Variants in ABHD10 observed in about 807,000 individuals in gnomAD.
ABHD10 encodes the protein palmitoyl-protein thioesterase ABHD10, mitochondrial.
In ABHD10, 22 loss-of-function variants were observed where a neutral mutation model predicts 33.1. That is an observed-to-expected ratio of 0.66 (90% CI 0.47 to 0.95). ABHD10 has a LOEUF of 0.95. Among genes scored for constraint, ABHD10 ranks in the 40% least tolerant of loss-of-function variants. ABHD10 has a pLI of 0.00. For missense variants in ABHD10, 352 were observed against 379.9 expected, an observed-to-expected ratio of 0.93 and a Z score of 0.61; for synonymous variants, 146 against 133.9, an observed-to-expected ratio of 1.09 and a Z score of -0.62.
chr3:111,986,454 G>GTTTTTTC (rs2072663053), intron 3 of ABHD10, 79 bp downstream of exon 3: 4 of 791,214 alleles, frequency 5.1e-6, no homozygotes, highest in Non-Finnish European at 7.5e-6. Context: ...TTTGTTTTTT[G>GTTTTTTC]AGATGGAGTC....
At chr3:111,981,148 AC>A (rs1296031264) in intron 1 of ABHD10, among the ~76,000 whole-genome samples, 1 of 152,140 alleles carries the variant, frequency 6.6e-6, no homozygotes, top group East Asian at 1.9e-4. Context: ...CACAAAAAAT[AC>A]AAAAATTAAC....
chr3:111,984,272 C>G (rs944640719), intron 2 of ABHD10, among the ~76,000 whole-genome samples: 1 of 152,166 alleles, frequency 6.6e-6, no homozygotes, highest in African/African-American at 2.4e-5. Context: ...AAAATCGTTT[C>G]ACTTCAAACC....
chr3:111,991,671 G>T lies in ABHD10; in HGVS notation c.871G>T (p.Val291Phe), dbSNP rs746856977. 6.2e-7 allele frequency: 1 copy of T among 1,613,952 alleles called. No homozygotes were observed. The change falls in exon 5 of 5, where the codon GTT (valine) becomes TTT (phenylalanine). Residue 291 changes from valine (V) to phenylalanine (F), a missense_variant. Val to Phe is a conservative substitution (Grantham distance 50). Coordinates refer to ENST00000273359, the MANE Select transcript of ABHD10 (RefSeq NM_018394.4). The part of the protein sequence containing the change: ...MREKADIQLL[V>F]YTIDDLIDKL... ...GGAAAAAGCAGACATTCAACTTCTT[G>T]TTTACACTATTGATGACTTAATTGA...
rs1218617152 is a variant in ABHD10, at chr3:111,993,345, A to G, written c.*1624A>G. 1 of 151,854 alleles carries G rather than the reference A, an allele frequency of 6.6e-6. No homozygotes were observed. The highest frequency in any genetic ancestry group is 1.5e-5 in the Non-Finnish European group (1 of 68,016). 9.4% of individuals were successfully genotyped at this position (151,854 alleles called of 1,614,324 possible). ...GTTTTGTATCCTTTCACTGTAATAAATCATGGCCGTGAGCAGAACTGTATG... is the reference window on the plus strand; with the variant it reads ...GTTTTGTATCCTTTCACTGTAATAAGTCATGGCCGTGAGCAGAACTGTATG... On this transcript the variant is annotated 3_prime_UTR_variant, in exon 5 of 5. Coordinates refer to ENST00000273359, the MANE Select transcript of ABHD10 (RefSeq NM_018394.4).
intron 4 of ABHD10, chr3:111,990,586 G>A: frequency 2.7e-6 from 1 of 376,836 alleles, no homozygotes; most frequent in Non-Finnish European, 4.7e-6. Flanking sequence ...CAAAGGACAT[G>A]TATATTTCAT....
rs1042513287 is a variant in ABHD10, at chr3:111,989,032, G to A, written c.576+1981G>A. Among the ~76,000 whole-genome samples the A allele has an allele frequency of 5.9e-5, 9 of 152,318 alleles. 1 individual carries two copies. The South Asian group carries it at 1.9e-3, about 32-fold the overall frequency. On this transcript the variant is annotated intron_variant, in intron 4 of 4. Coordinates refer to ENST00000273359, the MANE Select transcript of ABHD10 (RefSeq NM_018394.4). Reference sequence around the variant, plus strand: ...CTCAGATAAGCAGTTGTTAACAGAAGCATGTTGAGCCCTTGGTTAACTTAA... The same window carrying A: ...CTCAGATAAGCAGTTGTTAACAGAAACATGTTGAGCCCTTGGTTAACTTAA...
At position 111,991,434 on chromosome 3, in the gene ABHD10, G is replaced by A. The variant is rs1576070189; in HGVS notation, c.634G>A (p.Glu212Lys). 3.1e-6 allele frequency: 5 copies of A among 1,613,612 alleles called. No homozygotes were observed. Among genetic ancestry groups the A allele is most frequent in the Non-Finnish European group, 3.4e-6 (4 of 1,179,812 alleles). Residue 212 changes from glutamate to lysine, a missense_variant, in exon 5 of 5, where the codon GAA becomes AAA. Coordinates refer to ENST00000273359, the MANE Select transcript of ABHD10 (RefSeq NM_018394.4). ...VWSMPSKYSEEGVYNVQYSFI... is the reference protein window; with the variant it reads ...VWSMPSKYSEKGVYNVQYSFI... The stretch of plus-strand genomic sequence containing the variant: ...GAGCATGCCATCAAAATACTCTGAA[G>A]AAGGAGTTTATAACGTTCAGTACAG...
chr3:111,981,925 C>A lies in ABHD10; in HGVS notation c.284C>A (p.Ala95Glu). The A allele has an allele frequency of 6.3e-7, 1 of 1,578,064 alleles. No homozygotes were observed. The highest frequency in any genetic ancestry group is 8.7e-7 in the Non-Finnish European group (1 of 1,153,756). Reference protein sequence around the residue: ...LSYMNGTKALAIEEFCKSLGH... With the variant: ...LSYMNGTKALEIEEFCKSLGH... ...TATATGAATGGTACAAAAGCGTTGG[C>A]GATTGAGGAGTTTTGCAAATCTCTA... Residue 95 changes from alanine to glutamate, a missense_variant, in exon 2 of 5, where the codon GCG becomes GAG. Ala to Glu is a moderately radical substitution (Grantham distance 107). Coordinates refer to ENST00000273359, the MANE Select transcript of ABHD10 (RefSeq NM_018394.4).
intron 2 of ABHD10, among the ~76,000 whole-genome samples, chr3:111,982,851 C>T (rs1331775711): frequency 6.6e-6 from 1 of 152,056 alleles, no homozygotes; most frequent in Non-Finnish European, 1.5e-5. Flanking sequence ...ACTACCTGTT[C>T]AATATATTAG....
intron 4 of ABHD10, among the ~76,000 whole-genome samples, chr3:111,988,950 C>T (rs1054933519): frequency 1.3e-5 from 2 of 152,124 alleles, no homozygotes; most frequent in South Asian, 4.1e-4. Context: ...AGGGTAGATA[C>T]TTTCTAATTG....
At chr3:111,988,638 G>A (rs554550860) in intron 4 of ABHD10, among the ~76,000 whole-genome samples, 1 of 152,150 alleles carries the variant, frequency 6.6e-6, no homozygotes, top group South Asian at 2.1e-4. Flanking sequence ...TGCCCAGGCT[G>A]GAGTGCAGTG....
In ABHD10 at chr3:111,982,876, A is replaced by G. The variant is rs574332527; in HGVS notation, c.326+909A>G. On this transcript the variant is annotated intron_variant, in intron 2 of 4. Transcript: ENST00000273359. ...CAATATATTAGCAGCAATTATGTCA[A>G]TTATAAAATTAAATAAGATTTAATC... Among the ~76,000 whole-genome samples, 4 of 152,308 alleles carry G rather than the reference A, an allele frequency of 2.6e-5. No homozygotes were observed. In the South Asian group the frequency reaches 6.2e-4, roughly 24 times the overall value.
Position 111,991,352 on chromosome 3 carries a change from T to C in ABHD10, c.577-25T>C, listed in dbSNP as rs2072736578. The C allele has an allele frequency of 4.5e-6, 7 of 1,553,544 alleles. No homozygotes were observed. The Admixed American group carries it at 1.2e-4, about 27-fold the overall frequency. On this transcript the variant is annotated intron_variant, in intron 4 of 4. Transcript: ENST00000273359. ...ATGTTGCCTAAAGTCACAAATACTTTTATTTTTCTTTCTTTTTCCAATAGC... is the reference window on the plus strand; with the variant it reads ...ATGTTGCCTAAAGTCACAAATACTTCTATTTTTCTTTCTTTTTCCAATAGC...
In ABHD10 at chr3:111,991,720, A is replaced by G; in HGVS notation, c.920A>G (p.Ter307TrpextTer10). Residue 307 changes from the stop codon to tryptophan (W), a stop_lost, in exon 5 of 5, where the codon TAG (stop) becomes TGG (tryptophan). Transcript: ENST00000273359. ...LIDKLSTIVN[*>W] Reference sequence around the variant, plus strand: ...GATAAGCTCTCAACTATAGTTAACTAGTATCACATGTTTAGTTGGTATGTA... The same window carrying G: ...GATAAGCTCTCAACTATAGTTAACTGGTATCACATGTTTAGTTGGTATGTA... The G allele has an allele frequency of 6.2e-7, 1 of 1,601,882 alleles. No homozygotes were observed. Among genetic ancestry groups the G allele is most frequent in the Non-Finnish European group, 8.5e-7 (1 of 1,171,170 alleles).
chr3:111,989,552 G>A lies in ABHD10; in HGVS notation c.577-1825G>A, dbSNP rs572193523. On this transcript the variant is annotated intron_variant, in intron 4 of 4. Coordinates refer to ENST00000273359, the MANE Select transcript of ABHD10 (RefSeq NM_018394.4). ...ATGAAACTATTATTAATTCAGTGTC[G>A]CCTTAATTAGCAAAGCCTCCACTTC... is the stretch of plus-strand genomic sequence containing the variant. Among the ~76,000 whole-genome samples the A allele has an allele frequency of 5.3e-5, 8 of 152,276 alleles. No homozygotes were observed. The East Asian group carries it at 7.7e-4, about 15-fold the overall frequency.
At chr3:111,981,178 C>A (rs1021483328) in intron 1 of ABHD10, among the ~76,000 whole-genome samples, 1 of 151,790 alleles carries the variant, frequency 6.6e-6, no homozygotes, top group East Asian at 1.9e-4. Flanking sequence ...GTGGTACATG[C>A]GTGTAGTGCA....
chr3:111,982,415 G>A (rs2072597143), intron 2 of ABHD10: 1 of 152,344 alleles, frequency 6.6e-6, no homozygotes, highest in Non-Finnish European at 1.5e-5. Context: ...ATCTGAATAT[G>A]TATAAGCATA....
chr3:111,984,995 A>T (rs893529151), intron 2 of ABHD10, among the ~76,000 whole-genome samples: 3 of 152,250 alleles, frequency 2.0e-5, no homozygotes, highest in Admixed American at 1.3e-4. Context: ...GAGGGAGATG[A>T]ATGTTTAAAA....
rs2072758437 is a variant in ABHD10, at chr3:111,992,760, G to GTCGAA, written c.*1040_*1044dup. On this transcript the variant is annotated 3_prime_UTR_variant, in exon 5 of 5. Coordinates refer to ENST00000273359, the MANE Select transcript of ABHD10 (RefSeq NM_018394.4). ...ATACATGTGTATAAGATGAGCATGT[G>GTCGAA]TCGAAGACTTATTCGACTCATTAAT... 1 of 152,148 alleles carries GTCGAA rather than the reference G, an allele frequency of 6.6e-6. No individual in the cohort carries two copies. The highest frequency in any genetic ancestry group is 1.5e-5 in the Non-Finnish European group (1 of 68,036). The allele number at this position is 152,148 out of a possible 1,614,324, so 9.4% of individuals were successfully genotyped here. A position where few individuals can be genotyped will look rare whatever the true frequency, so the allele number is the denominator to read the frequency against.
Sources: allele counts gnomAD v4.1 joint callset (sites outside exome capture counted in the v4.1 genomes callset), GRCh38; gene constraint gnomAD v4.1.1; transcripts MANE v1.5; gene names NCBI Gene and HGNC (gene_info 2026-07-23, HGNC 2026-07-21).